Variants in KCTD8 observed in about 807,000 individuals in gnomAD.
KCTD8 encodes potassium channel tetramerization domain containing 8.
Under a neutral mutation model 31.5 loss-of-function variants are expected in KCTD8, and 27 were observed. The ratio of observed to expected loss-of-function variants is 0.86; its 90% CI spans 0.63 to 1.18. The LOEUF (loss-of-function observed/expected upper bound fraction) is 1.18. KCTD8 is among the 50% of genes most tolerant of loss of function. KCTD8 has a pLI of 0.00. For synonymous variants in KCTD8, 290 were observed against 280.0 expected (o/e 1.04, Z -0.36); for missense variants, 658 against 647.7 (o/e 1.02, Z -0.17).
chr4:44,344,073 G>A (rs1365594354), intron 1 of KCTD8, among the ~76,000 whole-genome samples: 2 of 151,940 alleles, frequency 1.3e-5, no homozygotes, highest in Non-Finnish European at 2.9e-5. Flanking sequence ...TGGCCAGGAT[G>A]GTCTTGATTT....
intron 1 of KCTD8, among the ~76,000 whole-genome samples, chr4:44,290,204 C>T (rs1486079048): frequency 6.6e-6 from 1 of 151,832 alleles, no homozygotes; most frequent in Non-Finnish European, 1.5e-5. Context: ...CAACAACAAT[C>T]AAGAAGGACA....
chr4:44,432,477 A>G (rs1441454077), intron 1 of KCTD8, among the ~76,000 whole-genome samples: 4 of 151,714 alleles, frequency 2.6e-5, no homozygotes, highest in Non-Finnish European at 5.9e-5. Flanking sequence ...CCCAAGCACT[A>G]TTCCCCAGAG....
At chr4:44,179,706 TA>T (rs1713323424) in intron 1 of KCTD8, among the ~76,000 whole-genome samples, 1 of 151,830 alleles carries the variant, frequency 6.6e-6, no homozygotes, top group Non-Finnish European at 1.5e-5. Flanking sequence ...GCTCTTTGTA[TA>T]AATCATTAGG....
intron 1 of KCTD8, among the ~76,000 whole-genome samples, chr4:44,257,445 G>T (rs1716021855): frequency 6.6e-6 from 1 of 151,866 alleles, no homozygotes; most frequent in Admixed American, 6.6e-5. Flanking sequence ...CTAGCCAAAG[G>T]CTAGGACTGT....
At chr4:44,266,228 G>A (rs1716354451) in intron 1 of KCTD8, among the ~76,000 whole-genome samples, 1 of 151,858 alleles carries the variant, frequency 6.6e-6, no homozygotes, top group African/African-American at 2.4e-5. Context: ...AAGAGAGTGG[G>A]GGCCAATATT....
At chr4:44,256,379 A>G (rs187184263) in intron 1 of KCTD8, among the ~76,000 whole-genome samples, 1 of 152,136 alleles carries the variant, frequency 6.6e-6, no homozygotes, top group East Asian at 1.9e-4. Context: ...ATATATACAT[A>G]TATTTGTAAA....
At chr4:44,348,549 ATG>A (rs770268524) in intron 1 of KCTD8, among the ~76,000 whole-genome samples, 2 of 152,162 alleles carry the variant, frequency 1.3e-5, no homozygotes, top group Non-Finnish European at 2.9e-5. Context: ...TAGTTAATAT[ATG>A]TGTGTCTTCA....
chr4:44,360,123 C>T (rs1719458850), intron 1 of KCTD8, among the ~76,000 whole-genome samples: 1 of 151,676 alleles, frequency 6.6e-6, no homozygotes, highest in Non-Finnish European at 1.5e-5. Flanking sequence ...TAAATGTTGC[C>T]TTTTATATTT....
intron 1 of KCTD8, among the ~76,000 whole-genome samples, chr4:44,270,358 A>G (rs1273525779): frequency 1.6e-5 from 2 of 126,782 alleles, no homozygotes; most frequent in Non-Finnish European, 3.2e-5. Flanking sequence ...ACATGGACAC[A>G]CGAAGGGGAA....
chr4:44,369,058 C>T (rs1360654604), intron 1 of KCTD8, among the ~76,000 whole-genome samples: 1 of 151,886 alleles, frequency 6.6e-6, no homozygotes, highest in African/African-American at 2.4e-5. Context: ...TGAATGCATA[C>T]CAGTATAAGG....
chr4:44,227,193 A>G (rs1239870656), intron 1 of KCTD8, among the ~76,000 whole-genome samples: 1 of 152,124 alleles, frequency 6.6e-6, no homozygotes, highest in African/African-American at 2.4e-5. Context: ...TAAGTCTTTA[A>G]TCCATCTTGA....
At chr4:44,371,757 T>C (rs1258996969) in intron 1 of KCTD8, among the ~76,000 whole-genome samples, 5 of 152,176 alleles carry the variant, frequency 3.3e-5, no homozygotes, top group Middle Eastern at 3.2e-3. Context: ...CATTGTAAAA[T>C]AGATGAATCC....
intron 1 of KCTD8, among the ~76,000 whole-genome samples, chr4:44,228,479 A>C (rs1577841602): frequency 6.6e-6 from 1 of 152,024 alleles, no homozygotes; most frequent in South Asian, 2.1e-4. Context: ...AACACAATTA[A>C]CTCCCAACAC....
chr4:44,361,003 G>A (rs1034693157), intron 1 of KCTD8, among the ~76,000 whole-genome samples: 9 of 151,798 alleles, frequency 5.9e-5, no homozygotes, highest in East Asian at 1.9e-4. Context: ...ATTTCCCTGA[G>A]AGCCATCATT....
At chr4:44,254,607 T>C (rs1465405353) in intron 1 of KCTD8, among the ~76,000 whole-genome samples, 1 of 151,560 alleles carries the variant, frequency 6.6e-6, no homozygotes, top group Non-Finnish European at 1.5e-5. Context: ...AATTCTGATC[T>C]ATGCCTTTTT....
chr4:44,416,625 G>C (rs561596168), intron 1 of KCTD8, among the ~76,000 whole-genome samples: 85 of 152,152 alleles, frequency 5.6e-4, no homozygotes, highest in Admixed American at 1.3e-3. Context: ...AAAAGAATCT[G>C]GGACATCCCC....
chr4:44,275,833 TAAAG>T (rs1387359633), intron 1 of KCTD8, among the ~76,000 whole-genome samples: 1 of 151,932 alleles, frequency 6.6e-6, no homozygotes, highest in Non-Finnish European at 1.5e-5. Context: ...TATGGTAGTA[TAAAG>T]AGAGTGATGG....
At chr4:44,198,976 C>T (rs1423242256) in intron 1 of KCTD8, among the ~76,000 whole-genome samples, 2 of 151,928 alleles carry the variant, frequency 1.3e-5, no homozygotes, top group Admixed American at 1.3e-4. Flanking sequence ...AAACAGAAAA[C>T]TAAAAAAGAG....
chr4:44,366,663 T>TAGCAGCAGC (rs35927939), intron 1 of KCTD8, among the ~76,000 whole-genome samples: 7 of 151,600 alleles, frequency 4.6e-5, no homozygotes, highest in Non-Finnish European at 1.0e-4. Context: ...TTCATCAAAT[T>TAGCAGCAGC]AGCAGCAGCA....
Sources: gnomAD v4.1 joint callset for allele counts (sites outside exome capture counted in the v4.1 genomes callset) on GRCh38, gnomAD v4.1.1 for gene constraint, MANE v1.5 for transcripts, NCBI Gene and HGNC (gene_info 2026-07-23, HGNC 2026-07-21) for gene names.